Variants in NALF1 observed in about 807,000 individuals in gnomAD.
The protein encoded by NALF1 is NALCN channel auxiliary factor 1.
In NALF1, 3 loss-of-function variants were observed where a neutral mutation model predicts 48.4. The ratio of observed to expected loss-of-function variants is 0.06; its 90% CI spans 0.03 to 0.16. The LOEUF (loss-of-function observed/expected upper bound fraction) is 0.16, where lower values mean the gene tolerates loss of function less well. Ranked by LOEUF, NALF1 falls within the 10% of genes least tolerant of loss-of-function variation. NALF1 has a pLI of 1.00. For missense variants in NALF1, 526 were observed against 571.5 expected, an observed-to-expected ratio of 0.92 and a Z score of 0.81; for synonymous variants, 262 against 245.7, an observed-to-expected ratio of 1.07 and a Z score of -0.62.
At chr13:107,339,138 G>GAAAAAA (rs3072810) in intron 1 of NALF1, among the ~76,000 whole-genome samples, 1 of 121,176 alleles carries the variant, frequency 8.3e-6, no homozygotes, top group African/African-American at 3.3e-5. Context: ...TGTCTCAGAA[G>GAAAAAA]AAAAAAAAAA....
At chr13:107,424,260 C>T (rs1481285494) in intron 1 of NALF1, among the ~76,000 whole-genome samples, 3 of 152,138 alleles carry the variant, frequency 2.0e-5, no homozygotes, top group Non-Finnish European at 4.4e-5. Context: ...GCCTAAGCCT[C>T]CCAAGTAGCT....
chr13:107,324,477 TG>T (rs201780400), intron 1 of NALF1, among the ~76,000 whole-genome samples: 2 of 152,022 alleles, frequency 1.3e-5, no homozygotes, highest in African/African-American at 2.4e-5. Context: ...TTTCTGGGAG[TG>T]GGGGGAAGAA....
intron 1 of NALF1, among the ~76,000 whole-genome samples, chr13:107,260,834 G>T (rs1456269544): frequency 1.3e-5 from 2 of 152,142 alleles, no homozygotes; most frequent in Non-Finnish European, 2.9e-5. Flanking sequence ...ATTACCCAGG[G>T]TTAAGGAGTT....
chr13:107,830,100 A>C (rs907036440), intron 1 of NALF1, among the ~76,000 whole-genome samples: 1 of 152,152 alleles, frequency 6.6e-6, no homozygotes, highest in East Asian at 1.9e-4. Flanking sequence ...CTACACTGAG[A>C]ACAATTCGGC....
intron 1 of NALF1, among the ~76,000 whole-genome samples, chr13:107,635,827 T>C (rs1385647545): frequency 1.3e-5 from 2 of 152,138 alleles, no homozygotes; most frequent in Non-Finnish European, 2.9e-5. Flanking sequence ...GCACAGTTAA[T>C]TGATTGGCTT....
chr13:107,839,564 C>G (rs1879990457), intron 1 of NALF1, among the ~76,000 whole-genome samples: 2 of 151,494 alleles, frequency 1.3e-5, no homozygotes, highest in South Asian at 4.2e-4. Flanking sequence ...TATTCCCCAC[C>G]TGTGAGGAAA....
chr13:107,473,970 T>C (rs1225922410), intron 1 of NALF1, among the ~76,000 whole-genome samples: 1 of 152,152 alleles, frequency 6.6e-6, no homozygotes, highest in African/African-American at 2.4e-5. Flanking sequence ...GAATAAGGGA[T>C]AAGGACATGG....
At chr13:107,685,522 A>G (rs1267455012) in intron 1 of NALF1, among the ~76,000 whole-genome samples, 13 of 152,152 alleles carry the variant, frequency 8.5e-5, no homozygotes, top group Admixed American at 5.2e-4. Context: ...AAAAGATAAA[A>G]TCTTTTTTAA....
In NALF1 at chr13:107,705,780, G is replaced by GA. The variant is rs1006733088; in HGVS notation, c.915+159901dup. Among the ~76,000 whole-genome samples the GA allele has an allele frequency of 3.3e-5, 5 of 151,850 alleles. No homozygotes were observed. In the South Asian group the frequency reaches 8.3e-4, roughly 25 times the overall value. On this transcript the variant is annotated intron_variant, in intron 1 of 2. Coordinates refer to ENST00000375915, the MANE Select transcript of NALF1 (RefSeq NM_001080396.3). ...AAAAACAATTATGCCTTTCAGCATA[G>GA]AAAAAAACAACAACAGATGCTTTAG...
At chr13:107,805,852 G>A (rs894291454) in intron 1 of NALF1, among the ~76,000 whole-genome samples, 3 of 151,968 alleles carry the variant, frequency 2.0e-5, no homozygotes, top group Non-Finnish European at 4.4e-5. Context: ...GGCTTCTTCC[G>A]CCCAGATCCC....
At chr13:107,364,639 C>A (rs1280891671) in intron 1 of NALF1, among the ~76,000 whole-genome samples, 3 of 152,042 alleles carry the variant, frequency 2.0e-5, no homozygotes, top group African/African-American at 4.8e-5. Flanking sequence ...TGTTATAGAA[C>A]AAAGAAATAA....
At chr13:107,347,266 T>C (rs1882790450) in intron 1 of NALF1, among the ~76,000 whole-genome samples, 1 of 152,192 alleles carries the variant, frequency 6.6e-6, no homozygotes, top group African/African-American at 2.4e-5. Flanking sequence ...ACATCATCAC[T>C]CTGTGCTAGA....
intron 1 of NALF1, among the ~76,000 whole-genome samples, chr13:107,608,658 T>C (rs937723663): frequency 2.0e-5 from 3 of 152,196 alleles, no homozygotes; most frequent in Non-Finnish European, 4.4e-5. Flanking sequence ...TGCAGGGCAC[T>C]TACTATATGT....
rs543824712 is a variant in NALF1, at chr13:107,232,776, A to C, written c.916-22021T>G. 1.7e-4 allele frequency among the ~76,000 whole-genome samples: 26 copies of C among 152,328 alleles called. No individual in the cohort carries two copies. In the South Asian group the frequency reaches 5.2e-3, roughly 30 times the overall value. ...CAGTTCCTGGACAATTAATAAAGCAAAAGATAAAAAGAGCCTGCAATTTTT... is the reference window on the plus strand; with the variant it reads ...CAGTTCCTGGACAATTAATAAAGCACAAGATAAAAAGAGCCTGCAATTTTT... On this transcript the variant is annotated intron_variant, in intron 1 of 2. Transcript: ENST00000375915.
chr13:107,763,471 C>CAAAAAA (rs750250035), intron 1 of NALF1, among the ~76,000 whole-genome samples: 2 of 79,158 alleles, frequency 2.5e-5, no homozygotes, highest in Non-Finnish European at 5.9e-5. Context: ...TATTAAAATT[C>CAAAAAA]AAAAAAAAAA....
intron 1 of NALF1, among the ~76,000 whole-genome samples, chr13:107,579,283 G>T (rs996050640): frequency 1.3e-5 from 2 of 152,142 alleles, no homozygotes; most frequent in African/African-American, 4.8e-5. Flanking sequence ...TAGAAACAGG[G>T]TTTTACCATG....
chr13:107,744,267 C>G (rs1381223027), intron 1 of NALF1, among the ~76,000 whole-genome samples: 1 of 152,164 alleles, frequency 6.6e-6, no homozygotes, highest in Non-Finnish European at 1.5e-5. Flanking sequence ...GAAGACATAG[C>G]CCACAGGCTT....
chr13:107,696,622 C>A (rs1397537516), intron 1 of NALF1, among the ~76,000 whole-genome samples: 1 of 151,470 alleles, frequency 6.6e-6, no homozygotes, highest in Non-Finnish European at 1.5e-5. Flanking sequence ...TGTATATACA[C>A]AAAATATCAG....
At chr13:107,600,975 A>T (rs1878909136) in intron 1 of NALF1, among the ~76,000 whole-genome samples, 1 of 151,776 alleles carries the variant, frequency 6.6e-6, no homozygotes, top group Non-Finnish European at 1.5e-5. Context: ...ACAGATGGAG[A>T]GCTGATAAAG....
Sources: gnomAD v4.1 joint callset for allele counts (sites outside exome capture counted in the v4.1 genomes callset) on GRCh38, gnomAD v4.1.1 for gene constraint, MANE v1.5 for transcripts, NCBI Gene and HGNC (gene_info 2026-07-23, HGNC 2026-07-21) for gene names.